DLC1: variants seen among roughly 807,000 people sequenced by gnomAD.
DLC1 encodes the protein rho GTPase-activating protein 7.
DLC1 carries 54 observed loss-of-function variants against 140.3 expected under a neutral mutation model. The observed-to-expected ratio is 0.38, with a 90% CI of 0.31 to 0.48. The LOEUF (loss-of-function observed/expected upper bound fraction) is 0.48. Ranked by LOEUF, DLC1 falls within the 20% of genes least tolerant of loss-of-function variation. DLC1 has a pLI of 0.96. For missense variants in DLC1, 2,536 were observed against 1,907.0 expected, an observed-to-expected ratio of 1.33 and a Z score of -6.14; for synonymous variants, 986 against 728.1, an observed-to-expected ratio of 1.35 and a Z score of -5.70.
chr8:13,117,490 A>C (rs1188003073), intron 5 of DLC1, among the ~76,000 whole-genome samples: 1 of 152,188 alleles, frequency 6.6e-6, no homozygotes, highest in East Asian at 1.9e-4. Flanking sequence ...CTAAAAAAAA[A>C]AGAGGAACTT....
chr8:13,277,729 C>T (rs968525646), intron 5 of DLC1, among the ~76,000 whole-genome samples: 3 of 151,936 alleles, frequency 2.0e-5, no homozygotes, highest in African/African-American at 7.3e-5. Flanking sequence ...CCTTATAATG[C>T]ACAAGGTTTG....
intron 2 of DLC1, among the ~76,000 whole-genome samples, chr8:13,449,555 C>T (rs1202916460): frequency 6.6e-6 from 1 of 150,908 alleles, no homozygotes; most frequent in African/African-American, 2.4e-5. Flanking sequence ...TCATTCTCAG[C>T]AAACTATCGC....
chr8:13,243,496 G>T (rs895256464), intron 5 of DLC1, among the ~76,000 whole-genome samples: 4 of 151,976 alleles, frequency 2.6e-5, no homozygotes, highest in African/African-American at 9.7e-5. Flanking sequence ...AGGTAGTTTT[G>T]TACAGCCATG....
intron 5 of DLC1, among the ~76,000 whole-genome samples, chr8:13,161,767 TACAGA>T (rs1475786842): frequency 2.0e-5 from 3 of 152,184 alleles, no homozygotes. Flanking sequence ...TCTGAGATGC[TACAGA>T]ACATAGAGAA....
chr8:13,316,980 C>A (rs1328743132), intron 4 of DLC1, among the ~76,000 whole-genome samples: 1 of 151,944 alleles, frequency 6.6e-6, no homozygotes, highest in African/African-American at 2.4e-5. Context: ...TTTCCTTTCT[C>A]TCCCCAGTCT....
intron 1 of DLC1, among the ~76,000 whole-genome samples, chr8:13,502,828 T>A (rs569165898): frequency 6.6e-6 from 1 of 152,330 alleles, no homozygotes; most frequent in South Asian, 2.1e-4. Context: ...AGGATTTGGA[T>A]GGAGGATCTG....
Position 13,095,208 on chromosome 8 carries a change from C to T in DLC1, c.3205G>A (p.Asp1069Asn). 6.2e-7 allele frequency: 1 copy of T among 1,614,236 alleles called. No homozygotes were observed. The highest frequency in any genetic ancestry group is 1.1e-5 in the South Asian group (1 of 91,086). ...CCAAACACACTCCGGTCCTTGTAGT[C>T]TGGAACCTTGATCCTCTTCATGAAC... ...PKFMKRIKVP[D>N]YKDRSVFGVP... The change falls in exon 11 of 18, where the codon GAC becomes AAC. Residue 1069 changes from aspartate to asparagine, a missense_variant. Asp to Asn is a conservative substitution (Grantham distance 23). Transcript: ENST00000276297.
intron 4 of DLC1, among the ~76,000 whole-genome samples, chr8:13,372,418 A>C (rs997269956): frequency 7.9e-5 from 12 of 152,136 alleles, no homozygotes; most frequent in African/African-American, 2.9e-4. Context: ...CCGTTTGAGG[A>C]TTGGTGGTCA....
rs78982297 is a variant in DLC1 at position 13,148,677 on chromosome 8, T to A, written c.1349-33020A>T. Among the ~76,000 whole-genome samples, 923 of 152,212 alleles carry A rather than the reference T, an allele frequency of 6.1e-3. 14 individuals carry two copies. Among genetic ancestry groups the A allele is most frequent in the African/African-American group, 0.021 (871 of 41,528 alleles). The stretch of plus-strand genomic sequence containing the variant: ...AGGGTTGTTTTTGTTGTTGTTGTTG[T>A]TTTCTGTCTAAAAGCCTAACCTAAA... On this transcript the variant is annotated intron_variant, in intron 5 of 17. Coordinates refer to ENST00000276297, the MANE Select transcript of DLC1 (RefSeq NM_182643.3).
chr8:13,578,691 G>A (rs527374507), intron 1 of DLC1, among the ~76,000 whole-genome samples: 242 of 152,240 alleles, frequency 1.6e-3, no homozygotes, highest in African/African-American at 5.5e-3. Context: ...TATTATAAAG[G>A]ATATTACAAA....
chr8:13,349,086 G>A (rs142993430), intron 4 of DLC1, among the ~76,000 whole-genome samples: 2 of 152,160 alleles, frequency 1.3e-5, no homozygotes, highest in Admixed American at 1.3e-4. Flanking sequence ...AATTCAACAG[G>A]AGACAGGAAG....
chr8:13,539,536 C>T (rs990212159), intron 1 of DLC1, among the ~76,000 whole-genome samples: 10 of 152,136 alleles, frequency 6.6e-5, no homozygotes, highest in Non-Finnish European at 1.0e-4. Context: ...AGCAAACCAG[C>T]AAGCTGAGAG....
intron 4 of DLC1, among the ~76,000 whole-genome samples, chr8:13,318,526 C>A (rs1224912590): frequency 1.3e-5 from 2 of 152,154 alleles, no homozygotes; most frequent in Non-Finnish European, 2.9e-5. Flanking sequence ...TTCTATCCAG[C>A]CTCTTTAGGA....
chr8:13,174,692 G>T (rs1274657653), intron 5 of DLC1, among the ~76,000 whole-genome samples: 1 of 152,076 alleles, frequency 6.6e-6, no homozygotes, highest in African/African-American at 2.4e-5. Context: ...CATGTCCTTT[G>T]CCCACTTTTT....
intron 4 of DLC1, among the ~76,000 whole-genome samples, chr8:13,318,316 G>A (rs1003252116): frequency 2.6e-5 from 4 of 151,792 alleles, no homozygotes; most frequent in African/African-American, 7.3e-5. Context: ...TTACTGGCAT[G>A]AGCCATTGTG....
chr8:13,353,241 G>C (rs1029868949), intron 4 of DLC1, among the ~76,000 whole-genome samples: 1 of 152,150 alleles, frequency 6.6e-6, no homozygotes, highest in African/African-American at 2.4e-5. Flanking sequence ...AATGGAGGTG[G>C]ACATTTTGAT....
At chr8:13,307,918 G>C (rs1443127073) in intron 4 of DLC1, among the ~76,000 whole-genome samples, 1 of 152,114 alleles carries the variant, frequency 6.6e-6, no homozygotes, top group African/African-American at 2.4e-5. Flanking sequence ...AAAAAAGTTT[G>C]GATTGGTCTT....
In DLC1 at chr8:13,382,628, C is replaced by G. The variant is rs894245155; in HGVS notation, c.1314+10925G>C. On this transcript the variant is annotated intron_variant, in intron 4 of 17. Coordinates refer to ENST00000276297, the MANE Select transcript of DLC1 (RefSeq NM_182643.3). ...AAAACTTTGTTTCTTCACAGCCTTT[C>G]TAGACAGCAAATGATACTACAATAA... Among the ~76,000 whole-genome samples the G allele has an allele frequency of 1.7e-4, 25 of 150,774 alleles. 1 individual carries two copies. The highest frequency in any genetic ancestry group is 8.9e-5 in the Non-Finnish European group (6 of 67,748).
chr8:13,345,206 G>A (rs1202384459), intron 4 of DLC1, among the ~76,000 whole-genome samples: 1 of 152,090 alleles, frequency 6.6e-6, no homozygotes, highest in Non-Finnish European at 1.5e-5. Flanking sequence ...GGAATATAGA[G>A]GAAGCTTTAG....
Sources: allele counts gnomAD v4.1 joint callset (sites outside exome capture counted in the v4.1 genomes callset), GRCh38; gene constraint gnomAD v4.1.1; transcripts MANE v1.5; gene names NCBI Gene and HGNC (gene_info 2026-07-23, HGNC 2026-07-21).